Variants in SLC35E4 observed in about 807,000 individuals in gnomAD.
The protein encoded by SLC35E4 is solute carrier family 35, member E4.
Under a neutral mutation model 19.3 loss-of-function variants are expected in SLC35E4, and 15 were observed. The ratio of observed to expected loss-of-function variants is 0.78; its 90% CI spans 0.52 to 1.20. The LOEUF is 1.20. SLC35E4 is among the 50% of genes most tolerant of loss of function. SLC35E4 has a pLI of 0.00. For missense variants in SLC35E4, 406 were observed against 472.3 expected, an observed-to-expected ratio of 0.86 and a Z score of 1.30; for synonymous variants, 219 against 219.9, an observed-to-expected ratio of 1.00 and a Z score of 0.04.
chr22:30,667,402 G>T (rs1364579637), downstream of SLC35E4: 1 of 152,192 alleles, frequency 6.6e-6, no homozygotes. Context: ...GTTTCCTAGG[G>T]GAGCTGGCAT....
intron 1 of SLC35E4, among the ~76,000 whole-genome samples, chr22:30,645,545 A>C (rs1290035462): frequency 1.4e-5 from 2 of 145,820 alleles, no homozygotes; most frequent in African/African-American, 5.0e-5. Flanking sequence ...CAGCAAGCCG[A>C]GATCATTCCA....
rs1320753166 is a variant in SLC35E4 at position 30,647,623 on chromosome 22, G to A, written c.*592G>A. On this transcript the variant is annotated 3_prime_UTR_variant, in exon 2 of 2. Coordinates refer to ENST00000343605, the MANE Select transcript of SLC35E4 (RefSeq NM_001001479.4). ...CTGTGCTTGTCAGAGTCATTATTAT[G>A]ATTAATATCAATTACGATGCCAAAA... 1.3e-5 allele frequency: 2 copies of A among 152,242 alleles called. No homozygotes were observed. Among genetic ancestry groups the A allele is most frequent in the Non-Finnish European group, 2.9e-5 (2 of 68,072 alleles). The allele number at this position is 152,242 out of a possible 1,614,324, so 9.4% of individuals were successfully genotyped here. A position where few individuals can be genotyped will look rare whatever the true frequency, so the allele number is the denominator to read the frequency against.
chr22:30,663,968 GA>G, downstream of SLC35E4: 1 of 1,614,162 alleles, frequency 6.2e-7, no homozygotes, highest in Non-Finnish European at 8.5e-7. Context: ...AGGGCTGCCG[GA>G]ACTGAACTGG....
intron 2 of SLC35E4, chr22:30,654,619 C>T (rs1243540991): frequency 2.2e-6 from 1 of 462,844 alleles, no homozygotes; most frequent in African/African-American, 2.0e-5. Flanking sequence ...GTGGTAGGTG[C>T]CTCGGGAAGG....
downstream of SLC35E4, chr22:30,663,683 A>AC: frequency 6.2e-7 from 1 of 1,614,234 alleles, no homozygotes. Context: ...AGCGGCTCAC[A>AC]CCAGCAGCAC....
Position 30,658,298 on chromosome 22 carries a change from G to C in SLC35E4, c.*9-3762G>C, listed in dbSNP as rs1319546336. Among the ~76,000 whole-genome samples the C allele has an allele frequency of 4.6e-5, 7 of 151,718 alleles. 1 individual carries two copies. The East Asian group carries it at 1.4e-3, about 29-fold the overall frequency. ...TCATGCCTATAATCCCAGAACTTTGGGAGGCTGAGGCAGGAGGATCACTTG... is the reference window on the plus strand; with the variant it reads ...TCATGCCTATAATCCCAGAACTTTGCGAGGCTGAGGCAGGAGGATCACTTG... On this transcript the variant is annotated intron_variant, in intron 2 of 2. Transcript: ENST00000406566.
intron 1 of SLC35E4, among the ~76,000 whole-genome samples, chr22:30,640,886 G>T (rs1194880882): frequency 1.3e-5 from 2 of 152,130 alleles, no homozygotes; most frequent in African/African-American, 4.8e-5. Flanking sequence ...TGCTGGGCTG[G>T]GATTGATGAC....
downstream of SLC35E4, among the ~76,000 whole-genome samples, chr22:30,650,017 A>G (rs2088183740): frequency 6.7e-6 from 1 of 149,280 alleles, no homozygotes; most frequent in Non-Finnish European, 1.5e-5. Flanking sequence ...GGGCACAGAG[A>G]GCGCTGGATT....
chr22:30,646,520 T>C, intron 1 of SLC35E4, 78 bp from the exon 2 acceptor site: 1 of 1,489,456 alleles, frequency 6.7e-7, no homozygotes, highest in African/African-American at 1.4e-5. Flanking sequence ...TCTTGGAGGA[T>C]CGGCCATAGG....
At chr22:30,639,871 G>A (rs1029189854) in intron 1 of SLC35E4, among the ~76,000 whole-genome samples, 10 of 152,220 alleles carry the variant, frequency 6.6e-5, no homozygotes, top group East Asian at 1.9e-4. Flanking sequence ...GTCCTGAGGC[G>A]ACATACAGCC....
At chr22:30,648,310 G>C (rs781044012), downstream of SLC35E4, among the ~76,000 whole-genome samples, 1 of 152,108 alleles carries the variant, frequency 6.6e-6, no homozygotes, top group Non-Finnish European at 1.5e-5. Context: ...ACTTCTTTCA[G>C]TTCCCCGTGA....
chr22:30,666,386 C>G (rs1010294862), downstream of SLC35E4, among the ~76,000 whole-genome samples: 2 of 151,972 alleles, frequency 1.3e-5, no homozygotes, highest in African/African-American at 2.4e-5. Flanking sequence ...TTTGGAAGGC[C>G]GAGGCGGGCA....
downstream of SLC35E4, among the ~76,000 whole-genome samples, chr22:30,648,940 G>A (rs888976758): frequency 4.6e-5 from 7 of 152,210 alleles, no homozygotes; most frequent in Non-Finnish European, 8.8e-5. Flanking sequence ...GGGAACCTAA[G>A]ACAGGAGTCC....
chr22:30,644,404 C>G (rs2088095080), intron 1 of SLC35E4, among the ~76,000 whole-genome samples: 1 of 152,216 alleles, frequency 6.6e-6, no homozygotes, highest in Non-Finnish European at 1.5e-5. Flanking sequence ...TCTCTCTCCA[C>G]TAACTTGGCA....
chr22:30,648,059 C>T (rs1185606619), downstream of SLC35E4, among the ~76,000 whole-genome samples: 3 of 152,136 alleles, frequency 2.0e-5, no homozygotes, highest in African/African-American at 7.2e-5. Context: ...TACCATTGCC[C>T]ATCTTCTGGA....
At chr22:30,643,672 G>A (rs1266470668) in intron 1 of SLC35E4, among the ~76,000 whole-genome samples, 1 of 152,096 alleles carries the variant, frequency 6.6e-6, no homozygotes, top group Non-Finnish European at 1.5e-5. Flanking sequence ...ACATGTGAGG[G>A]GGCTGTTGCT....
intron 1 of SLC35E4, among the ~76,000 whole-genome samples, chr22:30,638,834 C>T (rs1019160687): frequency 6.6e-6 from 1 of 151,990 alleles, no homozygotes; most frequent in Non-Finnish European, 1.5e-5. Context: ...GGCCAGGTGG[C>T]ATGCACCTGT....
downstream of SLC35E4, chr22:30,667,604 T>A (rs2088725221): frequency 6.6e-6 from 1 of 152,506 alleles, no homozygotes; most frequent in South Asian, 2.1e-4. Flanking sequence ...TCCATAGCAA[T>A]GGGCTCGTCG....
chr22:30,651,367 ATT>A (rs35299835), downstream of SLC35E4, among the ~76,000 whole-genome samples: 52 of 77,018 alleles, frequency 6.8e-4, no homozygotes, highest in East Asian at 2.7e-3. Flanking sequence ...CACGTGGCTA[ATT>A]TTTGTGTGTG....
Sources: allele counts gnomAD v4.1 joint callset (sites outside exome capture counted in the v4.1 genomes callset), GRCh38; gene constraint gnomAD v4.1.1; transcripts MANE v1.5; gene names NCBI Gene and HGNC (gene_info 2026-07-23, HGNC 2026-07-21).